Variants in TMEM164 observed in about 807,000 individuals in gnomAD.
TMEM164 encodes the protein transmembrane protein 164.
A neutral mutation model predicts 18.8 loss-of-function variants in TMEM164; 4 were observed. That is an observed-to-expected ratio of 0.21 (90% CI 0.10 to 0.49). TMEM164 has a LOEUF of 0.49. TMEM164 is among the 20% of genes least tolerant of loss of function. The pLI is 0.98. For missense variants in TMEM164, 108 were observed against 239.9 expected (o/e 0.45, Z 3.63); for synonymous variants, 86 against 101.7 (o/e 0.85, Z 0.93).
chrX:110,064,726 C>T (rs1936255195), intron 2 of TMEM164, among the ~76,000 whole-genome samples: 1 of 110,417 alleles, frequency 9.1e-6, no homozygotes, highest in Non-Finnish European at 1.9e-5. Context: ...CCTGTAATCC[C>T]AGCACTTTGG....
rs1396479696 is a variant in TMEM164 at position 110,175,394 on chromosome X, G to A, written c.*1943G>A. ...AGAACTTGGAGTTGCTGCCAGCAGA[G>A]GATCTGTGCCTCAGCTGAAGACTAG... is the stretch of plus-strand genomic sequence containing the variant. On this transcript the variant is annotated 3_prime_UTR_variant, in exon 7 of 7. Coordinates refer to ENST00000372068, the MANE Select transcript of TMEM164 (RefSeq NM_032227.4). The A allele has an allele frequency of 8.8e-6, 1 of 113,348 alleles. No homozygotes were observed. Among genetic ancestry groups the A allele is most frequent in the Non-Finnish European group, 1.9e-5 (1 of 53,453 alleles). 9.3% of individuals were successfully genotyped at this position (113,348 alleles called of 1,213,427 possible).
chrX:110,173,175 G>GCT, intron 6 of TMEM164, 70 bp from the exon 7 acceptor site: 1 of 1,092,284 alleles, frequency 9.2e-7, no homozygotes, highest in Non-Finnish European at 1.3e-6. Flanking sequence ...GGTAGAGATG[G>GCT]CTGAACTGGC....
rs2051006 is a variant in TMEM164, at chrX:110,029,182, A to G, written c.390+25018A>G. On this transcript the variant is annotated intron_variant, in intron 2 of 6. Coordinates refer to ENST00000372068, the MANE Select transcript of TMEM164 (RefSeq NM_032227.4). ...AAGAGTTCTTAAATTTGACATTGCC[A>G]AACAAAATTAACACCCTCATATCCT... Among the ~76,000 whole-genome samples, 323 of 111,702 alleles carry G rather than the reference A, an allele frequency of 2.9e-3. 3 individuals are homozygous for G. The highest frequency in any genetic ancestry group is 0.01 in the African/African-American group (314 of 30,716).
intron 5 of TMEM164, among the ~76,000 whole-genome samples, chrX:110,161,408 C>T (rs778755029): frequency 9.0e-6 from 1 of 111,258 alleles, no homozygotes; most frequent in Non-Finnish European, 1.9e-5. Flanking sequence ...AGTATAGGAA[C>T]TCTGGTAAAT....
chrX:110,011,837 T>G (rs1167207051), intron 2 of TMEM164, among the ~76,000 whole-genome samples: 2 of 112,068 alleles, frequency 1.8e-5, no homozygotes, highest in Non-Finnish European at 3.8e-5. Context: ...TTCGCAGAGT[T>G]GCTTCCTCCT....
intron 5 of TMEM164, among the ~76,000 whole-genome samples, chrX:110,157,176 T>C (rs895913865): frequency 9.0e-6 from 1 of 111,153 alleles, no homozygotes; most frequent in Admixed American, 9.6e-5. Flanking sequence ...TTGGGGAACA[T>C]CAACTTGCAA....
chrX:110,141,046 CAGG>C (rs1217491401), intron 4 of TMEM164, among the ~76,000 whole-genome samples: 1 of 111,874 alleles, frequency 8.9e-6, no homozygotes, highest in Non-Finnish European at 1.9e-5. Context: ...GAGGTTAAGG[CAGG>C]AGGATTGCTT....
chrX:110,102,556 T>C lies in TMEM164; in HGVS notation c.441-6524T>C, dbSNP rs768403855. Among the ~76,000 whole-genome samples, 9 of 112,225 alleles carry C rather than the reference T, an allele frequency of 8.0e-5. No individual in the cohort carries two copies. In the South Asian group the frequency reaches 3.0e-3, roughly 37 times the overall value. On this transcript the variant is annotated intron_variant, in intron 3 of 6. Coordinates refer to ENST00000372068, the MANE Select transcript of TMEM164 (RefSeq NM_032227.4). ...TCATCTCGTGAAGGATCATAATAGC[T>C]TCATTTGTTATGAATAATGTGATAT...
rs767719437 is a variant in TMEM164 at position 110,121,598 on chromosome X, C to T, written c.507+12452C>T. On this transcript the variant is annotated intron_variant, in intron 4 of 6. Coordinates refer to ENST00000372068, the MANE Select transcript of TMEM164 (RefSeq NM_032227.4). ...TATCACATTTTGTTTAGCCATTTGT[C>T]GGTTAGTGTACATTTGGGTTGGTTC... 8.0e-5 allele frequency among the ~76,000 whole-genome samples: 9 copies of T among 111,956 alleles called. No homozygotes were observed. The East Asian group carries it at 2.0e-3, about 24-fold the overall frequency.
intron 3 of TMEM164, among the ~76,000 whole-genome samples, chrX:110,068,724 T>G (rs1251764410): frequency 9.0e-6 from 1 of 111,247 alleles, no homozygotes; most frequent in Non-Finnish European, 1.9e-5. Flanking sequence ...GGTCCTTTCT[T>G]TTCCCTTTTT....
intron 2 of TMEM164, among the ~76,000 whole-genome samples, chrX:110,018,048 A>G (rs1244859462): frequency 8.9e-6 from 1 of 111,986 alleles, no homozygotes; most frequent in Non-Finnish European, 1.9e-5. Context: ...TAGAGCCAGT[A>G]TGGGTTGCTT....
At position 110,170,023 on chromosome X, in the gene TMEM164, G is replaced by T. The variant is rs186011336; in HGVS notation, c.587-1397G>T. 8.9e-5 allele frequency among the ~76,000 whole-genome samples: 10 copies of T among 111,883 alleles called. No homozygotes were observed. The East Asian group carries it at 2.8e-3, about 32-fold the overall frequency. On this transcript the variant is annotated intron_variant, in intron 5 of 6. Transcript: ENST00000372068. ...GGCTTCTAGTGTCCTATGTGTCGCA[G>T]CCTGGAGCAGACCAGCCCTGCGAAC...
intron 5 of TMEM164, among the ~76,000 whole-genome samples, chrX:110,164,285 C>T (rs1277807625): frequency 9.0e-6 from 1 of 110,758 alleles, no homozygotes; most frequent in Middle Eastern, 4.2e-3. Context: ...GAGTCAAAGG[C>T]GTATGCAAGG....
intron 3 of TMEM164, among the ~76,000 whole-genome samples, chrX:110,108,656 G>GTAATATAT (rs2066247975): frequency 1.8e-5 from 2 of 111,830 alleles, no homozygotes; most frequent in African/African-American, 6.5e-5. Context: ...GATTATACAT[G>GTAATATAT]ACAGTGTAAA....
intron 3 of TMEM164, among the ~76,000 whole-genome samples, chrX:110,092,288 A>G (rs1028805761): frequency 1.2e-4 from 13 of 111,738 alleles, no homozygotes; most frequent in African/African-American, 4.2e-4. Context: ...GAATCTATAA[A>G]TTACCTTGGG....
intron 3 of TMEM164, among the ~76,000 whole-genome samples, chrX:110,072,089 T>G (rs963409000): frequency 9.2e-6 from 1 of 108,884 alleles, no homozygotes; most frequent in Non-Finnish European, 1.9e-5. Flanking sequence ...CCACCTGAGG[T>G]CAGGAGTTCA....
chrX:110,065,920 GT>G (rs1257598734), intron 2 of TMEM164, among the ~76,000 whole-genome samples: 1 of 112,314 alleles, frequency 8.9e-6, no homozygotes, highest in African/African-American at 3.2e-5. Context: ...CAAACTTTCA[GT>G]TTTTAGAGCT....
At position 110,003,679 on chromosome X, in the gene TMEM164, C is replaced by T. The variant is rs1932489253; in HGVS notation, c.-96C>T. 2 of 1,028,012 alleles carry T rather than the reference C, an allele frequency of 1.9e-6. No homozygotes were observed. Among genetic ancestry groups the T allele is most frequent in the African/African-American group, 1.9e-5 (1 of 52,804 alleles). 84.7% of individuals were successfully genotyped at this position (1,028,012 alleles called of 1,213,427 possible). A position where few individuals can be genotyped will look rare whatever the true frequency, so the allele number is the denominator to read the frequency against. On this transcript the variant is annotated 5_prime_UTR_variant, in exon 2 of 7. Transcript: ENST00000372068. ...TCTGGAGGGGGGTTGTGGGGGTGTGCCCGCCTTACATGGTCCACCACCCGG... is the reference window on the plus strand; with the variant it reads ...TCTGGAGGGGGGTTGTGGGGGTGTGTCCGCCTTACATGGTCCACCACCCGG...
intron 2 of TMEM164, among the ~76,000 whole-genome samples, chrX:110,005,455 T>G (rs929726135): frequency 2.7e-5 from 3 of 112,149 alleles, no homozygotes; most frequent in African/African-American, 9.7e-5. Flanking sequence ...ACCCATGGCT[T>G]GGATACTTGC....
Sources: gnomAD v4.1 joint callset for allele counts (sites outside exome capture counted in the v4.1 genomes callset) on GRCh38, gnomAD v4.1.1 for gene constraint, MANE v1.5 for transcripts, NCBI Gene and HGNC (gene_info 2026-07-23, HGNC 2026-07-21) for gene names.